RABEPK: variants seen among roughly 807,000 people sequenced by gnomAD.
RABEPK encodes the protein 40 kDa Rab9 effector protein.
RABEPK carries 27 observed loss-of-function variants against 34.1 expected under a neutral mutation model. The observed-to-expected ratio is 0.79, with a 90% CI of 0.58 to 1.09. The LOEUF is 1.09. Among genes scored for constraint, RABEPK ranks in the 50% least tolerant of loss-of-function variants. The pLI is 0.00. For synonymous variants in RABEPK, 172 were observed against 169.2 expected (o/e 1.02, Z -0.13); for missense variants, 449 against 462.6 (o/e 0.97, Z 0.27).
At position 125,234,147 on chromosome 9, in the gene RABEPK, A is replaced by G. The variant is rs1391824263; in HGVS notation, c.*167A>G. 14 of 696,248 alleles carry G rather than the reference A, an allele frequency of 2.0e-5. No individual in the cohort carries two copies. The highest frequency in any genetic ancestry group is 3.3e-5 in the Non-Finnish European group (14 of 421,962). The allele number at this position is 696,248 out of a possible 1,614,324, so 43.1% of individuals were successfully genotyped here. On this transcript the variant is annotated 3_prime_UTR_variant, in exon 8 of 8. Transcript: ENST00000373538. ...ATTCTTATGTGCACTAAACCTTGCT[A>G]TATTGCCTCTCAGAGCTCTTGGGAA...
At position 125,232,577 on chromosome 9, in the gene RABEPK, T is replaced by C. The variant is rs2131442362; in HGVS notation, c.677-19T>C. On this transcript the variant is annotated intron_variant, in intron 6 of 7. Transcript: ENST00000373538. ...ATCTTAGCCCATGCTGCGCCAAAGC[T>C]CTTTCTTTCTCTTGGCAGGTGACAT... 1 of 1,605,600 alleles carries C rather than the reference T, an allele frequency of 6.2e-7. No homozygotes were observed. The highest frequency in any genetic ancestry group is 1.7e-5 in the Admixed American group (1 of 58,600).
At chr9:125,218,857 G>A (rs1399800865) in intron 4 of RABEPK, among the ~76,000 whole-genome samples, 2 of 152,094 alleles carry the variant, frequency 1.3e-5, no homozygotes, top group Admixed American at 6.6e-5. Flanking sequence ...TTCTCAGGTA[G>A]CTGGGACTAT....
intron 5 of RABEPK, chr9:125,220,935 G>A: frequency 2.2e-6 from 1 of 460,520 alleles, no homozygotes; most frequent in Non-Finnish European, 3.6e-6. Flanking sequence ...GGAAGGCTGA[G>A]GCAGGTGGAC....
At chr9:125,213,935 G>A (rs1208776653) in intron 4 of RABEPK, among the ~76,000 whole-genome samples, 6 of 152,018 alleles carry the variant, frequency 3.9e-5, no homozygotes, top group Non-Finnish European at 8.8e-5. Flanking sequence ...GGCCTGGCCA[G>A]CATGGTAAAA....
In RABEPK at chr9:125,220,855, G is replaced by C. The variant is rs1351384237; in HGVS notation, c.526+155G>C. The C allele has an allele frequency of 9.8e-6, 10 of 1,017,098 alleles. No individual in the cohort carries two copies. The African/African-American group carries it at 9.9e-5, about 10-fold the overall frequency. 63.0% of individuals were successfully genotyped at this position (1,017,098 alleles called of 1,614,324 possible). ...TCTTAGCTGATATCTTTTTCCCACA[G>C]CAAAATTGGCATTTAAAAAGGGATA... On this transcript the variant is annotated intron_variant, in intron 5 of 7. Transcript: ENST00000373538.
rs115855721 is a variant in RABEPK at position 125,220,526 on chromosome 9, C to G, written c.365-13C>G. Reference sequence around the variant, plus strand: ...CCTGGATATTTTAAGTGCCTGCATTCTCTCTGGCCCAGAAACCAGGACGTG... The same window carrying G: ...CCTGGATATTTTAAGTGCCTGCATTGTCTCTGGCCCAGAAACCAGGACGTG... On this transcript the variant is annotated splice_polypyrimidine_tract_variant and intron_variant, in intron 4 of 7. Coordinates refer to ENST00000373538, the MANE Select transcript of RABEPK (RefSeq NM_005833.4). 9.8e-4 allele frequency: 1,578 copies of G among 1,608,998 alleles called. 21 individuals carry two copies. The African/African-American group carries it at 0.019, about 19-fold the overall frequency.
Position 125,234,140 on chromosome 9 carries a change from C to CCTTG in RABEPK, c.*163_*166dup. The CCTTG allele has an allele frequency of 1.3e-6, 1 of 742,802 alleles. No individual in the cohort carries two copies. Among genetic ancestry groups the CCTTG allele is most frequent in the South Asian group, 1.8e-5 (1 of 54,592 alleles). The allele number at this position is 742,802 out of a possible 1,614,324, so 46.0% of individuals were successfully genotyped here. ...GCAAATAATTCTTATGTGCACTAAACCTTGCTATATTGCCTCTCAGAGCTC... is the reference window on the plus strand; with the variant it reads ...GCAAATAATTCTTATGTGCACTAAACCTTGCTTGCTATATTGCCTCTCAGAGCTC... On this transcript the variant is annotated 3_prime_UTR_variant, in exon 8 of 8. Coordinates refer to ENST00000373538, the MANE Select transcript of RABEPK (RefSeq NM_005833.4).
chr9:125,225,237 T>C (rs1206553407), intron 5 of RABEPK, among the ~76,000 whole-genome samples: 2 of 151,816 alleles, frequency 1.3e-5, no homozygotes, highest in Non-Finnish European at 2.9e-5. Context: ...ATACAAAAAT[T>C]AGCCAGGCAT....
intron 1 of RABEPK, among the ~76,000 whole-genome samples, chr9:125,202,350 G>T (rs1029052508): frequency 5.5e-5 from 8 of 146,782 alleles, no homozygotes; most frequent in African/African-American, 1.8e-4. Context: ...GTAAAACCCC[G>T]TCTCTACTAG....
chr9:125,218,321 CAAAAA>C (rs71374234), intron 4 of RABEPK, among the ~76,000 whole-genome samples: 6 of 41,170 alleles, frequency 1.5e-4, no homozygotes, highest in African/African-American at 2.0e-4. Flanking sequence ...GACTCCGTCT[CAAAAA>C]AAAAAAAAAA....
intron 3 of RABEPK, among the ~76,000 whole-genome samples, chr9:125,209,727 C>G (rs1830465427): frequency 6.6e-6 from 1 of 152,158 alleles, no homozygotes; most frequent in Non-Finnish European, 1.5e-5. Context: ...ACAGCTTGAG[C>G]TCTCTGGCCT....
chr9:125,225,993 A>G (rs978033842), intron 5 of RABEPK, among the ~76,000 whole-genome samples: 2 of 151,112 alleles, frequency 1.3e-5, no homozygotes, highest in Admixed American at 6.6e-5. Flanking sequence ...AAAAGAAAAA[A>G]AAAAAATTTA....
chr9:125,223,420 C>T (rs1831499461), intron 5 of RABEPK, among the ~76,000 whole-genome samples: 1 of 152,112 alleles, frequency 6.6e-6, no homozygotes, highest in African/African-American at 2.4e-5. Context: ...CACGCCACTG[C>T]ACTCTAGCCT....
chr9:125,209,190 A>T, intron 3 of RABEPK, among the ~76,000 whole-genome samples: 1 of 149,322 alleles, frequency 6.7e-6, no homozygotes, highest in Non-Finnish European at 1.5e-5. Flanking sequence ...CCTCCTAAAT[A>T]GCTGGGATTA....
rs770328554 is a variant in RABEPK at position 125,233,668 on chromosome 9, CT to C, written c.827-16del. 1.6e-5 allele frequency: 26 copies of C among 1,602,550 alleles called. No homozygotes were observed. In the South Asian group the frequency reaches 2.6e-4, roughly 16 times the overall value. Reference sequence around the variant, plus strand: ...ATCTGGAAATTTCTTAACATGAAGCCTTTTCCCTCCCCAACATAGAAGAGCA... The same window carrying C: ...ATCTGGAAATTTCTTAACATGAAGCCTTTCCCTCCCCAACATAGAAGAGCA... On this transcript the variant is annotated intron_variant, in intron 7 of 7. Transcript: ENST00000373538.
At chr9:125,211,631 A>G (rs1284863394) in intron 3 of RABEPK, among the ~76,000 whole-genome samples, 2 of 152,230 alleles carry the variant, frequency 1.3e-5, no homozygotes, top group East Asian at 3.9e-4. Context: ...AGTTTGCCAC[A>G]GTTTTTGTTA....
At chr9:125,222,557 A>G (rs1265134973) in intron 5 of RABEPK, among the ~76,000 whole-genome samples, 1 of 151,880 alleles carries the variant, frequency 6.6e-6, no homozygotes, top group Admixed American at 6.6e-5. Context: ...TACTAAAAAT[A>G]CAAAAAATTA....
In RABEPK at chr9:125,200,809, G is replaced by T. The variant is rs1042606493; in HGVS notation, c.-104G>T. On this transcript the variant is annotated 5_prime_UTR_variant, in exon 1 of 8. Coordinates refer to ENST00000373538, the MANE Select transcript of RABEPK (RefSeq NM_005833.4). ...GCCACGTGGGGATGAGATTTGCTGG[G>T]CTGGTAGCGGCGGCTGCTGCGGGAG... 2 of 471,262 alleles carry T rather than the reference G, an allele frequency of 4.2e-6. No homozygotes were observed. Among genetic ancestry groups the T allele is most frequent in the Non-Finnish European group, 8.8e-6 (2 of 227,080 alleles). The allele number at this position is 471,262 out of a possible 1,614,324, so 29.2% of individuals were successfully genotyped here.
At position 125,200,587 on chromosome 9, in the gene RABEPK, T is replaced by A. The variant is rs764444955; in HGVS notation, c.-326T>A. 19 of 429,880 alleles carry A rather than the reference T, an allele frequency of 4.4e-5. No individual in the cohort carries two copies. The highest frequency in any genetic ancestry group is 3.1e-4 in the South Asian group (18 of 58,924). The allele number at this position is 429,880 out of a possible 1,614,324, so 26.6% of individuals were successfully genotyped here. ...GCCTAAGTCGCCGCAGGTATTGCAG[T>A]CCGGGGCTGGAGGGTAGGGGCGAGG... On this transcript the variant is annotated 5_prime_UTR_variant, in exon 1 of 8. Coordinates refer to ENST00000373538, the MANE Select transcript of RABEPK (RefSeq NM_005833.4).
Sources: allele counts gnomAD v4.1 joint callset (sites outside exome capture counted in the v4.1 genomes callset), GRCh38; gene constraint gnomAD v4.1.1; transcripts MANE v1.5; gene names NCBI Gene and HGNC (gene_info 2026-07-23, HGNC 2026-07-21).